TSSK4: variants seen among roughly 807,000 people sequenced by gnomAD.
The protein encoded by TSSK4 is testis-specific serine/threonine-protein kinase 4.
Under a neutral mutation model 28.5 loss-of-function variants are expected in TSSK4, and 22 were observed. That is an observed-to-expected ratio of 0.77 (90% CI 0.55 to 1.10). The LOEUF is 1.10. Ranked by LOEUF, TSSK4 falls within the 50% of genes least tolerant of loss-of-function variation. The probability of loss-of-function intolerance (pLI) is 0.00; values close to 1 mark genes in which losing one functional copy is unlikely to be tolerated. For synonymous variants in TSSK4, 151 were observed against 158.3 expected (o/e 0.95, Z 0.35); for missense variants, 329 against 415.4 (o/e 0.79, Z 1.81).
At position 24,205,734 on chromosome 14, in the gene TSSK4, C is replaced by G; in HGVS notation, c.-190C>G. On this transcript the variant is annotated 5_prime_UTR_variant, in exon 1 of 4. Coordinates refer to ENST00000339917, the MANE Select transcript of TSSK4 (RefSeq NM_001184739.2). ...CCAGTGGAGACAAAAAGAACTGCTT[C>G]TCTTTCTTTCCCCCTCCAAGTTCCT... The G allele has an allele frequency of 1.7e-6, 1 of 590,680 alleles. No homozygotes were observed. Among genetic ancestry groups the G allele is most frequent in the Admixed American group, 3.0e-5 (1 of 33,792 alleles). 36.6% of individuals were successfully genotyped at this position (590,680 alleles called of 1,614,324 possible).
At position 24,207,842 on chromosome 14, in the gene TSSK4, C is replaced by T. The variant is rs144175300; in HGVS notation, c.835-122C>T. On this transcript the variant is annotated intron_variant, in intron 3 of 3. Coordinates refer to ENST00000339917, the MANE Select transcript of TSSK4 (RefSeq NM_001184739.2). ...GGTCTCCAAGATAAAATCAGAGCCA[C>T]ACCCACTTTGACCAGAGTGGTATGA... 444 of 1,561,974 alleles carry T rather than the reference C, an allele frequency of 2.8e-4. 1 individual carries two copies. In the African/African-American group the frequency reaches 5.6e-3, roughly 20 times the overall value.
At position 24,208,087 on chromosome 14, in the gene TSSK4, G is replaced by A; in HGVS notation, c.958G>A (p.Ala320Thr). 6.8e-6 allele frequency: 11 copies of A among 1,614,144 alleles called. No homozygotes were observed. The highest frequency in any genetic ancestry group is 9.3e-6 in the Non-Finnish European group (11 of 1,179,996). ...QPTHEIRLLE[A>T]MCQLHNTTKQ... ...CACCCATGAGATCAGGCTGCTTGAG[G>A]CCATGTGCCAGCTCCACAACACCAC... Residue 320 changes from alanine (A) to threonine (T), a missense_variant, in exon 4 of 4, where the codon GCC becomes ACC. Physicochemically the swap from Ala to Thr is moderately conservative, Grantham distance 58. Coordinates refer to ENST00000339917, the MANE Select transcript of TSSK4 (RefSeq NM_001184739.2).
chr14:24,206,176 T>A (rs773331786), intron 1 of TSSK4, 28 bp downstream of exon 1: 1 of 1,606,844 alleles, frequency 6.2e-7, no homozygotes, highest in East Asian at 2.2e-5. Flanking sequence ...AAGAGGGAAC[T>A]GGAGCTTGGT....
intron 2 of TSSK4, 87 bp downstream of exon 2, chr14:24,206,810 C>G: frequency 7.1e-7 from 1 of 1,402,576 alleles, no homozygotes; most frequent in Non-Finnish European, 9.8e-7. Flanking sequence ...TTTCCTCTTT[C>G]GAACTCCCTC....
chr14:24,206,676 G>C lies in TSSK4; in HGVS notation c.393G>C (p.Gln131His), dbSNP rs2039524087. The C allele has an allele frequency of 6.2e-7, 1 of 1,614,114 alleles. No homozygotes were observed. The highest frequency in any genetic ancestry group is 8.5e-7 in the Non-Finnish European group (1 of 1,180,034). The change falls in exon 2 of 4, where the codon CAG (glutamine) becomes CAC (histidine). Residue 131 changes from glutamine (Q) to histidine (H), a missense_variant. Physicochemically the swap from Gln to His is conservative, Grantham distance 24. Coordinates refer to ENST00000339917, the MANE Select transcript of TSSK4 (RefSeq NM_001184739.2). ...SEPLAGKWFSQLTLGIAYLHS... is the reference protein window; with the variant it reads ...SEPLAGKWFSHLTLGIAYLHS... ...CCCTTGCTGGCAAGTGGTTCTCCCAGCTGACCCTGGGCATTGCCTACCTGC... is the reference window on the plus strand; with the variant it reads ...CCCTTGCTGGCAAGTGGTTCTCCCACCTGACCCTGGGCATTGCCTACCTGC...
intron 2 of TSSK4, 124 bp downstream of exon 2, chr14:24,206,847 C>CT: frequency 9.2e-7 from 1 of 1,089,010 alleles, no homozygotes. Context: ...TTCATGCACT[C>CT]TATTTTAATC....
At position 24,207,302 on chromosome 14, in the gene TSSK4, T is replaced by C; in HGVS notation, c.627T>C (p.Cys209=). 1 of 1,614,172 alleles carries C rather than the reference T, an allele frequency of 6.2e-7. No individual in the cohort carries two copies. Among genetic ancestry groups the C allele is most frequent in the South Asian group, 1.1e-5 (1 of 91,082 alleles). ...NCFSHLSQTY[C]GSFAYACPEI... ...TTTCCCACCTCAGCCAGACTTACTG[T>C]GGCAGCTTTGCTTACGCTTGCCCAG... The change falls in exon 3 of 4, where the codon TGT becomes TGC. Residue 209 remains cysteine, a synonymous_variant. Coordinates refer to ENST00000339917, the MANE Select transcript of TSSK4 (RefSeq NM_001184739.2).
chr14:24,208,117 CA>C lies in TSSK4; in HGVS notation c.989del (p.Gln330ArgfsTer13). ...AMCQLHNTTK[Q>X]HQSLQITT Reference sequence around the variant, plus strand: ...GTGCCAGCTCCACAACACCACTAAACAGCACCAATCCTTGCAAATTACGACC... The same window carrying C: ...GTGCCAGCTCCACAACACCACTAAACGCACCAATCCTTGCAAATTACGACC... On this transcript the variant is annotated frameshift_variant, in exon 4 of 4. Transcript: ENST00000339917. LOFTEE classifies it high-confidence loss of function. 2 of 1,607,604 alleles carry C rather than the reference CA, an allele frequency of 1.2e-6. No individual in the cohort carries two copies. Among genetic ancestry groups the C allele is most frequent in the Non-Finnish European group, 1.7e-6 (2 of 1,174,818 alleles).
chr14:24,207,762 G>C, intron 3 of TSSK4: 3 of 1,101,758 alleles, frequency 2.7e-6, no homozygotes, highest in Non-Finnish European at 3.9e-6. Context: ...GGGAAATATG[G>C]AAAGCATTCC....
At chr14:24,207,819 T>G (rs542955915) in intron 3 of TSSK4, 145 bp from the exon 4 acceptor site, 1 of 1,491,164 alleles carries the variant, frequency 6.7e-7, no homozygotes, top group East Asian at 2.4e-5. Context: ...ACTGCCTGGG[T>G]CTCCAAGATA....
rs755015195 is a variant in TSSK4 at position 24,207,264 on chromosome 14, C to T, written c.589C>T (p.Gln197Ter). ...QPVGCSPSYR[Q>*]VNCFSHLSQT... ...TGTGGGTTGTAGCCCTTCTTACCGC[C>T]AAGTGAACTGCTTTTCCCACCTCAG... is the stretch of plus-strand genomic sequence containing the variant. The change falls in exon 3 of 4, where the codon CAA (glutamine) becomes TAA (stop). Residue 197 changes from glutamine to a stop codon, truncating the protein, a stop_gained. Coordinates refer to ENST00000339917, the MANE Select transcript of TSSK4 (RefSeq NM_001184739.2). LOFTEE classifies it high-confidence loss of function. The T allele has an allele frequency of 8.7e-6, 14 of 1,614,020 alleles. No homozygotes were observed. Among genetic ancestry groups the T allele is most frequent in the Non-Finnish European group, 1.1e-5 (13 of 1,180,002 alleles).
chr14:24,207,580 TCACCCAACCTAGGC>T (rs909620396), intron 3 of TSSK4, 71 bp downstream of exon 3: 5 of 1,516,224 alleles, frequency 3.3e-6, no homozygotes, highest in Non-Finnish European at 4.4e-6. Flanking sequence ...CCAACCTAGG[TCACCCAACCTAGGC>T]CTCCCAACCC....
In TSSK4 at chr14:24,208,188, G is replaced by A. The variant is rs2039555708; in HGVS notation, c.*42G>A. The A allele has an allele frequency of 6.5e-7, 1 of 1,529,460 alleles. No individual in the cohort carries two copies. 94.7% of individuals were successfully genotyped at this position (1,529,460 alleles called of 1,614,324 possible). ...GGGCTAAGAGAGGAGCAAAGCAGGA[G>A]GTCTTGGGCTAAAAATCTTTTTTAC... On this transcript the variant is annotated 3_prime_UTR_variant, in exon 4 of 4. Transcript: ENST00000339917.
In TSSK4 at chr14:24,205,948, GC is replaced by G. The variant is rs1288125397; in HGVS notation, c.26del (p.Ala9GlufsTer68). 4 of 1,613,902 alleles carry G rather than the reference GC, an allele frequency of 2.5e-6. No individual in the cohort carries two copies. The highest frequency in any genetic ancestry group is 1.3e-5 in the African/African-American group (1 of 74,886). On this transcript the variant is annotated frameshift_variant, in exon 1 of 4. Coordinates refer to ENST00000339917, the MANE Select transcript of TSSK4 (RefSeq NM_001184739.2). LOFTEE classifies it high-confidence loss of function. MGKGDVLE[A>X]APTTTAYHSL... ...CATGGGGAAGGGAGATGTCTTAGAGGCAGCACCAACCACCACAGCCTACCAT... is the reference window on the plus strand; with the variant it reads ...CATGGGGAAGGGAGATGTCTTAGAGGAGCACCAACCACCACAGCCTACCAT...
chr14:24,207,104 C>A lies in TSSK4; in HGVS notation c.441-12C>A. The A allele has an allele frequency of 6.2e-7, 1 of 1,603,042 alleles. No homozygotes were observed. The highest frequency in any genetic ancestry group is 8.5e-7 in the Non-Finnish European group (1 of 1,179,966). ...CTTCAGCTCCCAGTCTAAAACTAAGCCCTCTCCCCAGCCTGATGCCCAGCC... is the reference window on the plus strand; with the variant it reads ...CTTCAGCTCCCAGTCTAAAACTAAGACCTCTCCCCAGCCTGATGCCCAGCC... On this transcript the variant is annotated splice_polypyrimidine_tract_variant and intron_variant, in intron 2 of 3. Transcript: ENST00000339917.
chr14:24,206,392 G>C, intron 1 of TSSK4, 117 bp from the exon 2 acceptor site: 2 of 1,161,780 alleles, frequency 1.7e-6, no homozygotes, highest in Non-Finnish European at 2.5e-6. Context: ...GTTCTCTGGG[G>C]TTGAGGGGCT....
chr14:24,207,000 TC>T, intron 2 of TSSK4, 115 bp from the exon 3 acceptor site: 1 of 1,417,944 alleles, frequency 7.1e-7, no homozygotes, highest in Non-Finnish European at 9.7e-7. Context: ...TGGCTTTCCT[TC>T]CTCTCTACCT....
intron 1 of TSSK4, 150 bp from the exon 2 acceptor site, chr14:24,206,357 CAT>C (rs1415216205): frequency 9.7e-6 from 9 of 924,520 alleles, no homozygotes; most frequent in East Asian, 7.5e-5. Flanking sequence ...AGGCACAAAA[CAT>C]AGCATTTGCC....
At position 24,207,517 on chromosome 14, in the gene TSSK4, C is replaced by T; in HGVS notation, c.834+8C>T. 6.3e-7 allele frequency: 1 copy of T among 1,593,630 alleles called. No individual in the cohort carries two copies. Among genetic ancestry groups the T allele is most frequent in the South Asian group, 1.1e-5 (1 of 87,546 alleles). On this transcript the variant is annotated splice_region_variant and intron_variant, in intron 3 of 3. Transcript: ENST00000339917. The stretch of plus-strand genomic sequence containing the variant: ...ATCTCCCAGGAGTGCAAGGTACTGG[C>T]TACCTAAGGAGGGCTGAGCCTTCAG...
Sources: allele counts gnomAD v4.1 joint callset, GRCh38; gene constraint gnomAD v4.1.1; transcripts MANE v1.5; gene names NCBI Gene and HGNC (gene_info 2026-07-23, HGNC 2026-07-21).